Variants in WDFY1 observed in about 807,000 individuals in gnomAD.
The protein encoded by WDFY1 is WD repeat and FYVE domain-containing protein 1.
In WDFY1, 32 loss-of-function variants were observed where a neutral mutation model predicts 56.4. The observed-to-expected ratio is 0.57, with a 90% confidence interval of 0.43 to 0.76. The LOEUF is 0.76. Ranked by LOEUF, WDFY1 falls within the 30% of genes least tolerant of loss-of-function variation. The pLI is 0.00. For synonymous variants in WDFY1, 192 were observed against 197.3 expected, an observed-to-expected ratio of 0.97 and a Z score of 0.23; for missense variants, 480 against 545.7, an observed-to-expected ratio of 0.88 and a Z score of 1.20.
intron 4 of WDFY1, among the ~76,000 whole-genome samples, chr2:223,904,183 C>T (rs1200377906): frequency 6.6e-6 from 1 of 152,218 alleles, no homozygotes; most frequent in East Asian, 1.9e-4. Context: ...TGTTACAAAA[C>T]AGTTTCCCTG....
At position 223,882,484 on chromosome 2, in the gene WDFY1, T is replaced by C. The variant is rs1693090429; in HGVS notation, c.934-412A>G. Among the ~76,000 whole-genome samples, 3 of 152,272 alleles carry C rather than the reference T, an allele frequency of 2.0e-5. No homozygotes were observed. The South Asian group carries it at 6.2e-4, about 32-fold the overall frequency. On this transcript the variant is annotated intron_variant, in intron 9 of 11. Coordinates refer to ENST00000233055, the MANE Select transcript of WDFY1 (RefSeq NM_020830.5). Reference sequence around the variant, plus strand: ...AGGAGCGGGGAGGATATGCCTTGAATTGCAATCACCCCAATTCAATGTATC... The same window carrying C: ...AGGAGCGGGGAGGATATGCCTTGAACTGCAATCACCCCAATTCAATGTATC...
chr2:223,910,197 T>A (rs670815), intron 3 of WDFY1, among the ~76,000 whole-genome samples: 1 of 152,024 alleles, frequency 6.6e-6, no homozygotes, highest in Non-Finnish European at 1.5e-5. Context: ...GATAACTGGA[T>A]GTCCACATAC....
At chr2:223,933,816 T>C (rs1314046180) in intron 1 of WDFY1, among the ~76,000 whole-genome samples, 1 of 149,422 alleles carries the variant, frequency 6.7e-6, no homozygotes, top group Non-Finnish European at 1.5e-5. Flanking sequence ...AATCAAAAAT[T>C]AGCAAGGAGT....
At chr2:223,894,389 G>A in intron 7 of WDFY1, 50 bp from the exon 8 acceptor site, 2 of 1,592,616 alleles carry the variant, frequency 1.3e-6, no homozygotes, top group South Asian at 1.1e-5. Context: ...GAAAAACACA[G>A]GAACTGTCTT....
chr2:223,907,174 A>C (rs1345084498), intron 3 of WDFY1, among the ~76,000 whole-genome samples: 5 of 151,710 alleles, frequency 3.3e-5, no homozygotes, highest in African/African-American at 1.2e-4. Flanking sequence ...ACAGGGTTTC[A>C]CCATGTTGGC....
chr2:223,921,786 G>A (rs923891761), intron 1 of WDFY1, among the ~76,000 whole-genome samples: 1 of 152,118 alleles, frequency 6.6e-6, no homozygotes, highest in Non-Finnish European at 1.5e-5. Context: ...TGTTAATGGT[G>A]TCGCTGTTTG....
At chr2:223,907,783 G>C (rs1241987320) in intron 3 of WDFY1, among the ~76,000 whole-genome samples, 1 of 152,038 alleles carries the variant, frequency 6.6e-6, no homozygotes, top group South Asian at 2.1e-4. Flanking sequence ...TGTGTGAACT[G>C]CATGGGCAGG....
Position 223,879,837 on chromosome 2 carries a change from A to G in WDFY1, c.1173+287T>C, listed in dbSNP as rs182064870. On this transcript the variant is annotated intron_variant, in intron 11 of 11. Transcript: ENST00000233055. Reference sequence around the variant, plus strand: ...GTCTTGAGATGGGTCAGGGGTGAGGACCCAGGCCAGCAAGGGAGAACCCAG... The same window carrying G: ...GTCTTGAGATGGGTCAGGGGTGAGGGCCCAGGCCAGCAAGGGAGAACCCAG... Among the ~76,000 whole-genome samples the G allele has an allele frequency of 1.4e-3, 217 of 152,240 alleles. 2 individuals are homozygous for G. The highest frequency in any genetic ancestry group is 6.8e-3 in the Middle Eastern group (2 of 294).
At chr2:223,880,656 T>C (rs1693053999) in intron 10 of WDFY1, among the ~76,000 whole-genome samples, 1 of 151,530 alleles carries the variant, frequency 6.6e-6, no homozygotes, top group African/African-American at 2.4e-5. Context: ...AGTGTTAAAA[T>C]TTGCTCCTAA....
At chr2:223,899,472 C>T (rs1693464415) in intron 5 of WDFY1, among the ~76,000 whole-genome samples, 1 of 152,198 alleles carries the variant, frequency 6.6e-6, no homozygotes, top group Admixed American at 6.5e-5. Context: ...GGGCTGGCTG[C>T]AGTGGCTCAT....
At chr2:223,901,701 T>C (rs918434266) in intron 4 of WDFY1, among the ~76,000 whole-genome samples, 1 of 151,524 alleles carries the variant, frequency 6.6e-6, no homozygotes, top group Middle Eastern at 3.4e-3. Flanking sequence ...ACAAGAACCA[T>C]GTGGAAAGCA....
intron 2 of WDFY1, among the ~76,000 whole-genome samples, chr2:223,913,606 T>G (rs188927467): frequency 3.9e-5 from 6 of 152,338 alleles, no homozygotes; most frequent in Non-Finnish European, 1.5e-5. Flanking sequence ...TGCATACACT[T>G]ATCTTTGACA....
rs952045791 is a variant in WDFY1, at chr2:223,944,619, G to A, written c.137+529C>T. Among the ~76,000 whole-genome samples the A allele has an allele frequency of 4.6e-5, 7 of 151,264 alleles. No individual in the cohort carries two copies. In the East Asian group the frequency reaches 1.4e-3, roughly 30 times the overall value. On this transcript the variant is annotated intron_variant, in intron 1 of 11. Coordinates refer to ENST00000233055, the MANE Select transcript of WDFY1 (RefSeq NM_020830.5). ...AGTGGCGCGGTGGGACAGAGTTCCC[G>A]GGCTGGAGGGGCGCAGTGGGACAGA...
At chr2:223,938,724 T>C (rs1574784068) in intron 1 of WDFY1, among the ~76,000 whole-genome samples, 1 of 152,192 alleles carries the variant, frequency 6.6e-6, no homozygotes, top group Non-Finnish European at 1.5e-5. Context: ...TTAATACTCT[T>C]TGGAGTGCTG....
chr2:223,924,816 C>T (rs1451797384), intron 1 of WDFY1, among the ~76,000 whole-genome samples: 1 of 152,050 alleles, frequency 6.6e-6, no homozygotes, highest in Non-Finnish European at 1.5e-5. Context: ...AGCAAAGGAA[C>T]AACTCAAAAC....
chr2:223,901,256 C>T lies in WDFY1; in HGVS notation c.412G>A (p.Val138Met), dbSNP rs750618397. ...WVISTGHDKC[V>M]SWMCTRSGNM... The stretch of plus-strand genomic sequence containing the variant: ...CCGCTCCGCGTGCACATCCAGCTCA[C>T]ACACTTGTCGTGGCCGGTACTGATC... Residue 138 changes from valine (V) to methionine (M), a missense_variant, in exon 5 of 12, where the codon GTG (valine) becomes ATG (methionine). Coordinates refer to ENST00000233055, the MANE Select transcript of WDFY1 (RefSeq NM_020830.5). 1 of 1,614,034 alleles carries T rather than the reference C, an allele frequency of 6.2e-7. No homozygotes were observed. Among genetic ancestry groups the T allele is most frequent in the African/African-American group, 1.3e-5 (1 of 74,910 alleles).
intron 1 of WDFY1, among the ~76,000 whole-genome samples, chr2:223,920,483 A>G (rs530999539): frequency 6.6e-6 from 1 of 152,394 alleles, no homozygotes; most frequent in East Asian, 1.9e-4. Context: ...GATTTTCAGC[A>G]GCACATGAAA....
intron 9 of WDFY1, among the ~76,000 whole-genome samples, chr2:223,882,898 T>C (rs1194288647): frequency 6.6e-6 from 1 of 151,992 alleles, no homozygotes; most frequent in Non-Finnish European, 1.5e-5. Context: ...TGGCTAATTT[T>C]TTGATTTTTT....
At chr2:223,919,656 T>C (rs1043931952) in intron 1 of WDFY1, among the ~76,000 whole-genome samples, 1 of 152,206 alleles carries the variant, frequency 6.6e-6, no homozygotes. Flanking sequence ...ATTAGAGGCA[T>C]GAGCCACCAC....
Sources: allele counts gnomAD v4.1 joint callset (sites outside exome capture counted in the v4.1 genomes callset), GRCh38; gene constraint gnomAD v4.1.1; transcripts MANE v1.5; gene names NCBI Gene and HGNC (gene_info 2026-07-23, HGNC 2026-07-21).